Variants in TP73 observed in about 807,000 individuals in gnomAD.
TP73 encodes the protein p53-like transcription factor.
TP73 carries 25 observed loss-of-function variants against 62.5 expected under a neutral mutation model. The observed-to-expected ratio is 0.40, with a 90% CI of 0.29 to 0.56. The LOEUF (loss-of-function observed/expected upper bound fraction) is 0.56. TP73 is among the 20% of genes least tolerant of loss of function. TP73 has a pLI of 0.46. For synonymous variants in TP73, 423 were observed against 377.5 expected, an observed-to-expected ratio of 1.12 and a Z score of -1.40; for missense variants, 754 against 913.3, an observed-to-expected ratio of 0.83 and a Z score of 2.25.
intron 3 of TP73, among the ~76,000 whole-genome samples, chr1:3,695,470 C>T (rs1638556969): frequency 6.6e-6 from 1 of 152,228 alleles, no homozygotes; most frequent in Non-Finnish European, 1.5e-5. Flanking sequence ...TGGCCTGTTC[C>T]CACCCTGCCC....
chr1:3,706,438 A>G (rs1372555802), intron 3 of TP73, among the ~76,000 whole-genome samples: 1 of 131,214 alleles, frequency 7.6e-6, no homozygotes, highest in Admixed American at 7.9e-5. Context: ...GGTAATAGGG[A>G]CAATCACGGT....
intron 1 of TP73, among the ~76,000 whole-genome samples, chr1:3,674,750 A>T (rs1389385863): frequency 2.0e-5 from 3 of 152,118 alleles, no homozygotes; most frequent in African/African-American, 7.2e-5. Flanking sequence ...CGGTGGCTGG[A>T]GGGGAGAGTG....
intron 3 of TP73, among the ~76,000 whole-genome samples, chr1:3,702,219 A>G (rs3765741): frequency 0.3 from 45,542 of 151,996 alleles, 7,889 homozygotes; most frequent in Non-Finnish European, 0.38. Context: ...CCTCCCCCAC[A>G]CTGCTCCTCT....
intron 1 of TP73, among the ~76,000 whole-genome samples, chr1:3,681,921 T>G (rs112016560): frequency 1.0e-4 from 11 of 107,976 alleles, no homozygotes; most frequent in Admixed American, 1.0e-4. Flanking sequence ...CTAGACACAG[T>G]GGATCATAAC....
In TP73 at chr1:3,710,413, G is replaced by C. The variant is rs920676220; in HGVS notation, c.429+2622G>C. 2.6e-5 allele frequency among the ~76,000 whole-genome samples: 4 copies of C among 152,270 alleles called. No homozygotes were observed. In the South Asian group the frequency reaches 8.3e-4, roughly 32 times the overall value. On this transcript the variant is annotated intron_variant, in intron 4 of 13. Transcript: ENST00000378295. The stretch of plus-strand genomic sequence containing the variant: ...AAGTGGTCGGCTCACAGTGCAGAAC[G>C]GGGCCGCCGGGCAGCCCGCTTGCTC...
chr1:3,697,263 C>T (rs1194327388), intron 3 of TP73, among the ~76,000 whole-genome samples: 3 of 151,582 alleles, frequency 2.0e-5, no homozygotes, highest in East Asian at 1.9e-4. Context: ...TTCTCAACAC[C>T]GGAGCCAGAG....
At position 3,728,093 on chromosome 1, in the gene TP73, G is replaced by A. The variant is rs775926534; in HGVS notation, c.986-36G>A. The A allele has an allele frequency of 4.4e-6, 7 of 1,585,928 alleles. No homozygotes were observed. In the East Asian group the frequency reaches 1.6e-4, roughly 35 times the overall value. ...GAAGGAGGCCTCACCCTCTGGTCCT[G>A]CCTGCTCACCCCGCCTGCCCTGCCT... On this transcript the variant is annotated intron_variant, in intron 8 of 13. Coordinates refer to ENST00000378295, the MANE Select transcript of TP73 (RefSeq NM_005427.4).
At chr1:3,688,944 G>A (rs78353993) in intron 3 of TP73, among the ~76,000 whole-genome samples, 7,279 of 152,208 alleles carry the variant, frequency 0.048, 269 homozygotes, top group African/African-American at 0.096. Context: ...CATGGGACTC[G>A]CCTGAGTCTC....
At chr1:3,704,265 CTG>C (rs1273994910) in intron 3 of TP73, among the ~76,000 whole-genome samples, 10 of 152,242 alleles carry the variant, frequency 6.6e-5, no homozygotes, top group Non-Finnish European at 1.5e-4. Flanking sequence ...TCACCCGTAA[CTG>C]TGATCGTTTC....
At chr1:3,725,790 A>C (rs1452573968) in intron 6 of TP73, among the ~76,000 whole-genome samples, 2 of 35,532 alleles carry the variant, frequency 5.6e-5, no homozygotes, top group African/African-American at 1.2e-4. Context: ...ATGGATGGAT[A>C]GGATGATGGA....
At chr1:3,698,853 C>T (rs1355057019) in intron 3 of TP73, among the ~76,000 whole-genome samples, 14 of 152,308 alleles carry the variant, frequency 9.2e-5, no homozygotes, top group Admixed American at 5.2e-4. Flanking sequence ...GTGCTGCAGA[C>T]GGGCTCAGCC....
chr1:3,667,749 C>CAAAA (rs543070938), intron 1 of TP73, among the ~76,000 whole-genome samples: 1 of 85,450 alleles, frequency 1.2e-5, no homozygotes. Flanking sequence ...GATTCTGTCT[C>CAAAA]AAAAAAAAAA....
Position 3,725,859 on chromosome 1 carries a change from G to A in TP73, c.733-1256G>A, listed in dbSNP as rs1291637811. Among the ~76,000 whole-genome samples the A allele has an allele frequency of 4.1e-4, 4 of 9,826 alleles. No individual in the cohort carries two copies. In the East Asian group the frequency reaches 5.1e-3, roughly 13 times the overall value. The allele number at this position is 9,826 out of a possible 152,430, so 6.4% of individuals were successfully genotyped here. On this transcript the variant is annotated intron_variant, in intron 6 of 13. Coordinates refer to ENST00000378295, the MANE Select transcript of TP73 (RefSeq NM_005427.4). ...GTGGGTGGGTGAGTGGATGGATGGAGTGGGTGGGTGGGTGGATGGATGGAT... is the reference window on the plus strand; with the variant it reads ...GTGGGTGGGTGAGTGGATGGATGGAATGGGTGGGTGGGTGGATGGATGGAT...
chr1:3,687,900 C>T (rs906641434), intron 3 of TP73, among the ~76,000 whole-genome samples: 6 of 152,268 alleles, frequency 3.9e-5, no homozygotes, highest in East Asian at 3.9e-4. Flanking sequence ...GACAGACACC[C>T]GGGGTCAGAA....
At chr1:3,682,091 T>C (rs1362292066) in intron 1 of TP73, among the ~76,000 whole-genome samples, 1 of 152,148 alleles carries the variant, frequency 6.6e-6, no homozygotes, top group East Asian at 1.9e-4. Context: ...CCCCCACGGA[T>C]GGGTCTGATC....
chr1:3,727,309 C>A, intron 7 of TP73, 85 bp downstream of exon 7: 2 of 1,311,602 alleles, frequency 1.5e-6, no homozygotes, highest in Non-Finnish European at 2.1e-6. Flanking sequence ...TGGAGACCTG[C>A]AGGCCAAGGC....
At chr1:3,732,451 G>A (rs1173566849) in intron 13 of TP73, among the ~76,000 whole-genome samples, 1 of 152,206 alleles carries the variant, frequency 6.6e-6, no homozygotes, top group Non-Finnish European at 1.5e-5. Context: ...TCCACTCCAG[G>A]GGGCAGGGAC....
chr1:3,660,640 T>C (rs955963485), intron 1 of TP73, among the ~76,000 whole-genome samples: 1 of 152,250 alleles, frequency 6.6e-6, no homozygotes, highest in African/African-American at 2.4e-5. Flanking sequence ...TTATAAATAG[T>C]TTCTTCATTT....
intron 4 of TP73, among the ~76,000 whole-genome samples, chr1:3,720,961 C>T (rs141550121): frequency 2.2e-4 from 33 of 152,300 alleles, no homozygotes; most frequent in African/African-American, 7.2e-4. Context: ...TCTGAGTCAT[C>T]GGGGGCTGGT....
Sources: gnomAD v4.1 joint callset for allele counts (sites outside exome capture counted in the v4.1 genomes callset) on GRCh38, gnomAD v4.1.1 for gene constraint, MANE v1.5 for transcripts, NCBI Gene and HGNC (gene_info 2026-07-23, HGNC 2026-07-21) for gene names.